The following MTFR1 variants were observed in gnomAD, a reference collection of about 807,000 sequenced individuals.
The protein encoded by MTFR1 is mitochondrial fission regulator 1.
Under a neutral mutation model 38.8 loss-of-function variants are expected in MTFR1, and 28 were observed. The ratio of observed to expected loss-of-function variants is 0.72; its 90% CI spans 0.53 to 0.99. MTFR1 has a LOEUF of 0.99. Ranked by LOEUF, MTFR1 falls within the 50% of genes least tolerant of loss-of-function variation. The pLI, the probability that MTFR1 is intolerant of heterozygous loss-of-function variation, is 0.00. For missense variants in MTFR1, 358 were observed against 395.5 expected, an observed-to-expected ratio of 0.91 and a Z score of 0.81; for synonymous variants, 145 against 137.0, an observed-to-expected ratio of 1.06 and a Z score of -0.41.
At chr8:65,730,735 C>T (rs959890496) in intron 3 of MTFR1, among the ~76,000 whole-genome samples, 1 of 151,946 alleles carries the variant, frequency 6.6e-6, no homozygotes, top group Non-Finnish European at 1.5e-5. Flanking sequence ...CGAGACTAGC[C>T]TGGCCATCAT....
At chr8:65,728,225 TTAAG>T (rs1404463052) in intron 3 of MTFR1, 33 of 152,366 alleles carry the variant, frequency 2.2e-4, no homozygotes, top group African/African-American at 7.7e-4. Flanking sequence ...ACCACTTATA[TTAAG>T]TATATGTACT....
intron 3 of MTFR1, among the ~76,000 whole-genome samples, chr8:65,753,641 A>C (rs993220680): frequency 6.6e-6 from 1 of 152,094 alleles, no homozygotes; most frequent in African/African-American, 2.4e-5. Flanking sequence ...TGTTACCTCT[A>C]ACTGGATTAT....
At chr8:65,766,518 T>A (rs1808792795) in intron 3 of MTFR1, among the ~76,000 whole-genome samples, 1 of 152,176 alleles carries the variant, frequency 6.6e-6, no homozygotes, top group Non-Finnish European at 1.5e-5. Flanking sequence ...TAGTAAAAAA[T>A]GATGCTTAGG....
rs1456712375 is a variant in MTFR1 at position 65,693,674 on chromosome 8, A to T, written c.196A>T (p.Ser66Cys). Residue 66 changes from serine to cysteine, a missense_variant, in exon 4 of 8, where the codon AGC becomes TGC. By Grantham distance (112) the Ser-to-Cys change is moderately radical (BLOSUM62 -1). Coordinates refer to ENST00000262146, the MANE Select transcript of MTFR1 (RefSeq NM_014637.4). ...CAGCCATGCAACAGAATGGAGTCCCAGCCACCCAGGAGAGGATGCAGTGGC... is the reference window on the plus strand; with the variant it reads ...CAGCCATGCAACAGAATGGAGTCCCTGCCACCCAGGAGAGGATGCAGTGGC... ...INSHATEWSP[S>C]HPGEDAVASF... 1 of 1,614,142 alleles carries T rather than the reference A, an allele frequency of 6.2e-7. No individual in the cohort carries two copies. Among genetic ancestry groups the T allele is most frequent in the Admixed American group, 1.7e-5 (1 of 60,024 alleles).
chr8:65,731,335 T>C (rs1806877817), intron 3 of MTFR1, among the ~76,000 whole-genome samples: 1 of 152,192 alleles, frequency 6.6e-6, no homozygotes, highest in Admixed American at 6.5e-5. Flanking sequence ...AGGGCCAGGC[T>C]CTTTTGTCAA....
the MTFR1 span, among the ~76,000 whole-genome samples, chr8:65,778,339 G>C: frequency 2.0e-5 from 3 of 152,162 alleles, no homozygotes; most frequent in Non-Finnish European, 4.4e-5. Flanking sequence ...TTTATGGAGA[G>C]AGAAAAATGT....
intron 1 of MTFR1, among the ~76,000 whole-genome samples, chr8:65,668,108 G>A (rs1233186766): frequency 6.6e-6 from 1 of 151,284 alleles, no homozygotes; most frequent in African/African-American, 2.4e-5. Context: ...ACATCACTAT[G>A]TAAATCAACT....
At chr8:65,670,070 AT>A (rs750887240) in intron 2 of MTFR1, 52 bp downstream of exon 2, 1 of 1,471,652 alleles carries the variant, frequency 6.8e-7, no homozygotes, top group South Asian at 1.2e-5. Context: ...TATTTTAAGA[AT>A]TTTTTCTGAG....
chr8:65,695,781 T>G (rs796125402), intron 4 of MTFR1, among the ~76,000 whole-genome samples: 4 of 152,326 alleles, frequency 2.6e-5, no homozygotes, highest in African/African-American at 9.6e-5. Context: ...AGAAACAGTT[T>G]ATGTGAATGG....
intron 1 of MTFR1, among the ~76,000 whole-genome samples, chr8:65,664,933 ATTT>A (rs374209617): frequency 2.1e-4 from 26 of 125,680 alleles, no homozygotes; most frequent in South Asian, 5.5e-4. Context: ...TTAAAAAAAA[ATTT>A]TTTTTTTTTT....
Position 65,745,906 on chromosome 8 carries a change from G to A in MTFR1, c.*49-25041G>A, listed in dbSNP as rs1417840684. On this transcript the variant is annotated intron_variant, in intron 3 of 3. Coordinates refer to the MTFR1 transcript ENST00000521247. ...AAGTTACTCACTCTTTTATTACTAA[G>A]AACAACACTATCAGATGTTGTTTTC... 4.0e-5 allele frequency among the ~76,000 whole-genome samples: 6 copies of A among 151,760 alleles called. No homozygotes were observed. In the East Asian group the frequency reaches 1.2e-3, roughly 29 times the overall value.
chr8:65,655,309 G>T (rs1247129341), intron 1 of MTFR1, among the ~76,000 whole-genome samples: 1 of 152,138 alleles, frequency 6.6e-6, no homozygotes, highest in Non-Finnish European at 1.5e-5. Context: ...TAGCTTGAAA[G>T]AATTTGCGCC....
chr8:65,700,766 A>G (rs577008531), intron 4 of MTFR1, among the ~76,000 whole-genome samples: 1 of 152,320 alleles, frequency 6.6e-6, no homozygotes, highest in South Asian at 2.1e-4. Flanking sequence ...TAAGATAGCT[A>G]CATTATAAAA....
intron 3 of MTFR1, chr8:65,722,468 AACTTCATCT>A (rs1456002734): frequency 6.6e-6 from 1 of 152,218 alleles, no homozygotes; most frequent in Non-Finnish European, 1.5e-5. Context: ...AGTTTCTGGA[AACTTCATCT>A]TTCTGAACTT....
At chr8:65,686,212 A>C (rs1200381855) in intron 3 of MTFR1, among the ~76,000 whole-genome samples, 1 of 152,190 alleles carries the variant, frequency 6.6e-6, no homozygotes, top group Non-Finnish European at 1.5e-5. Context: ...TTTTAGCTAT[A>C]ATTTTATAGT....
rs1377063247 is a variant in MTFR1 at position 65,655,951 on chromosome 8, A to ATATATATATATATATGTAT, written c.-81+11167_-81+11168insTATATATATATATATGTAT. 4.4e-3 allele frequency among the ~76,000 whole-genome samples: 245 copies of ATATATATATATATATGTAT among 55,304 alleles called. 1 individual carries two copies. The highest frequency in any genetic ancestry group is 0.015 in the Middle Eastern group (2 of 136). The allele number at this position is 55,304 out of a possible 152,430, so 36.3% of individuals were successfully genotyped here. On this transcript the variant is annotated intron_variant, in intron 1 of 7. Transcript: ENST00000262146. ...AGCAAGACTCTGTCTTAAAAAAAAAAATATATATATATATATACCATATAT... is the reference window on the plus strand; with the variant it reads ...AGCAAGACTCTGTCTTAAAAAAAAAATATATATATATATATGTATATATATATATATATATACCATATAT...
chr8:65,716,349 TACA>T (rs1196683660), intron 2 of MTFR1, among the ~76,000 whole-genome samples: 4 of 152,272 alleles, frequency 2.6e-5, no homozygotes, highest in African/African-American at 9.6e-5. Context: ...CAATCATGTA[TACA>T]GGCAGAATGG....
At chr8:65,711,255 C>G (rs187867399), downstream of MTFR1, among the ~76,000 whole-genome samples, 1 of 152,098 alleles carries the variant, frequency 6.6e-6, no homozygotes, top group Non-Finnish European at 1.5e-5. Flanking sequence ...TGGTTGTTTC[C>G]CCAGTCCCAG....
chr8:65,746,883 C>T (rs1288062531), intron 3 of MTFR1, among the ~76,000 whole-genome samples: 8 of 152,048 alleles, frequency 5.3e-5, no homozygotes, highest in African/African-American at 1.9e-4. Flanking sequence ...GCTTTACCTA[C>T]ACAACTTAAA....
Sources: allele counts gnomAD v4.1 joint callset (sites outside exome capture counted in the v4.1 genomes callset), GRCh38; gene constraint gnomAD v4.1.1; transcripts MANE v1.5; gene names NCBI Gene and HGNC (gene_info 2026-07-23, HGNC 2026-07-21).